KLF12: variants seen among roughly 807,000 people sequenced by gnomAD.
The protein encoded by KLF12 is KLF transcription factor 12.
Under a neutral mutation model 37.8 loss-of-function variants are expected in KLF12, and 9 were observed. The observed-to-expected ratio is 0.24, with a 90% confidence interval of 0.14 to 0.42. KLF12 has a LOEUF of 0.42. Among genes scored for constraint, KLF12 ranks in the 10% least tolerant of loss-of-function variants. KLF12 has a pLI of 1.00. For missense variants in KLF12, 411 were observed against 516.0 expected (o/e 0.80, Z 1.97); for synonymous variants, 208 against 202.1 (o/e 1.03, Z -0.25).
At chr13:73,760,349 C>T (rs1420059000) in intron 6 of KLF12, among the ~76,000 whole-genome samples, 1 of 152,146 alleles carries the variant, frequency 6.6e-6, no homozygotes, top group Non-Finnish European at 1.5e-5. Context: ...TTCACAGAGT[C>T]TTGCTCTGTT....
intron 3 of KLF12, among the ~76,000 whole-genome samples, chr13:73,926,420 G>A (rs1415912798): frequency 6.6e-6 from 1 of 152,118 alleles, no homozygotes; most frequent in Non-Finnish European, 1.5e-5. Context: ...TATATACATT[G>A]TTTTTAGATG....
At chr13:74,215,427 CTTTTTT>C in the KLF12 span, among the ~76,000 whole-genome samples, 2 of 60,382 alleles carry the variant, frequency 3.3e-5, no homozygotes, top group East Asian at 4.9e-4. Flanking sequence ...CCTCTGGGTT[CTTTTTT>C]TTTTTTTTTT....
intron 1 of KLF12, among the ~76,000 whole-genome samples, chr13:74,056,484 T>C (rs1181824291): frequency 6.6e-6 from 1 of 152,182 alleles, no homozygotes; most frequent in Non-Finnish European, 1.5e-5. Context: ...CGGCACTAGG[T>C]GTAAAATTAT....
At chr13:73,867,196 T>C (rs886453782) in intron 3 of KLF12, among the ~76,000 whole-genome samples, 9 of 152,182 alleles carry the variant, frequency 5.9e-5, no homozygotes, top group African/African-American at 1.7e-4. Context: ...TTAAATGTAG[T>C]AACTCTTAAA....
rs78837911 is a variant in KLF12 at position 73,780,404 on chromosome 13, C to T, written c.807-15404G>A. On this transcript the variant is annotated intron_variant, in intron 5 of 7. Transcript: ENST00000377669. ...CCCTTGTCACCCATCAACCTTCCCC[C>T]GAGTCCCCAAGTCTGTTATATCATT... 7.9e-5 allele frequency among the ~76,000 whole-genome samples: 12 copies of T among 152,162 alleles called. No individual in the cohort carries two copies. In the East Asian group the frequency reaches 1.5e-3, roughly 20 times the overall value.
intron 2 of KLF12, among the ~76,000 whole-genome samples, chr13:73,986,254 A>G (rs1891825714): frequency 6.6e-6 from 1 of 152,224 alleles, no homozygotes; most frequent in African/African-American, 2.4e-5. Context: ...TACTGTTTGC[A>G]AAAAATTAGA....
At chr13:74,184,052 A>C in the KLF12 span, among the ~76,000 whole-genome samples, 22 of 152,354 alleles carry the variant, frequency 1.4e-4, no homozygotes, top group Non-Finnish European at 3.2e-4. Flanking sequence ...CAGCCTCAGC[A>C]TCAGGGAACT....
intron 7 of KLF12, among the ~76,000 whole-genome samples, chr13:73,714,481 GA>G (rs1875647846): frequency 1.3e-5 from 2 of 152,294 alleles, no homozygotes; most frequent in South Asian, 4.1e-4. Flanking sequence ...CGCTGGACTG[GA>G]CTTGCTTGCT....
Position 73,976,037 on chromosome 13 carries a change from C to T in KLF12, c.33+18953G>A, listed in dbSNP as rs552039191. ...CCATGCAGGCACACATTACACCCAC[C>T]GTATTCATGGTTGGAAGCTCAGAAA... On this transcript the variant is annotated intron_variant, in intron 2 of 7. Coordinates refer to ENST00000377669, the MANE Select transcript of KLF12 (RefSeq NM_007249.5). Among the ~76,000 whole-genome samples the T allele has an allele frequency of 2.8e-4, 43 of 151,986 alleles. No homozygotes were observed. In the South Asian group the frequency reaches 8.9e-3, roughly 32 times the overall value.
At chr13:73,777,530 GAA>G (rs1404513790) in intron 5 of KLF12, among the ~76,000 whole-genome samples, 2 of 152,016 alleles carry the variant, frequency 1.3e-5, no homozygotes, top group Non-Finnish European at 2.9e-5. Context: ...CCAACATGGA[GAA>G]ACCCTGTCTC....
At position 73,917,960 on chromosome 13, in the gene KLF12, G is replaced by A. The variant is rs188667102; in HGVS notation, c.123+26021C>T. ...AAAAAAAAAAATTCCTGACCTTTAG[G>A]TCATTAAATGCTTAATCTAGTTAAA... On this transcript the variant is annotated intron_variant, in intron 3 of 7. Coordinates refer to ENST00000377669, the MANE Select transcript of KLF12 (RefSeq NM_007249.5). Among the ~76,000 whole-genome samples the A allele has an allele frequency of 8.4e-4, 127 of 152,080 alleles. 1 individual carries two copies. The highest frequency in any genetic ancestry group is 8.1e-3 in the Admixed American group (123 of 15,268).
At chr13:74,125,737 G>C (rs774145573) in intron 1 of KLF12, among the ~76,000 whole-genome samples, 19 of 152,180 alleles carry the variant, frequency 1.2e-4, no homozygotes, top group Non-Finnish European at 2.1e-4. Context: ...CTTTATTGAA[G>C]TATATCTTGT....
chr13:74,025,563 T>TA (rs113282471), intron 1 of KLF12, among the ~76,000 whole-genome samples: 3,276 of 140,340 alleles, frequency 0.023, 76 homozygotes, highest in African/African-American at 0.054. Context: ...TGTTCAGAGT[T>TA]AAAAAAAAAA....
At chr13:73,770,525 CTT>C (rs35793245) in intron 5 of KLF12, among the ~76,000 whole-genome samples, 88 of 144,342 alleles carry the variant, frequency 6.1e-4, no homozygotes, top group Non-Finnish European at 6.9e-4. Context: ...AATATGTGAA[CTT>C]TTTTTTTTTT....
the KLF12 span, among the ~76,000 whole-genome samples, chr13:74,235,639 T>A: frequency 6.6e-6 from 1 of 152,196 alleles, no homozygotes; most frequent in Admixed American, 6.5e-5. Flanking sequence ...TAGCAATTTA[T>A]TTCTATTTAC....
intron 6 of KLF12, among the ~76,000 whole-genome samples, chr13:73,744,926 G>A (rs1878258782): frequency 6.6e-6 from 1 of 152,126 alleles, no homozygotes; most frequent in Non-Finnish European, 1.5e-5. Flanking sequence ...CATGCATCCT[G>A]GTGTTAAATT....
intron 1 of KLF12, among the ~76,000 whole-genome samples, chr13:74,074,149 A>G (rs1874431860): frequency 1.3e-5 from 2 of 151,966 alleles, no homozygotes; most frequent in East Asian, 3.9e-4. Context: ...CTCATTCGAG[A>G]GAGAGAGAGA....
chr13:74,065,995 C>T (rs568462346), intron 1 of KLF12, among the ~76,000 whole-genome samples: 9 of 152,072 alleles, frequency 5.9e-5, no homozygotes, highest in East Asian at 1.9e-4. Context: ...TTCCTGGGGA[C>T]GCGGACATAA....
chr13:73,697,283 AAG>A (rs1874218413), intron 7 of KLF12, among the ~76,000 whole-genome samples: 1 of 152,168 alleles, frequency 6.6e-6, no homozygotes, highest in Non-Finnish European at 1.5e-5. Flanking sequence ...GCCCTTTCAG[AAG>A]AGAGTGAATA....
Sources: gnomAD v4.1 joint callset for allele counts (sites outside exome capture counted in the v4.1 genomes callset) on GRCh38, gnomAD v4.1.1 for gene constraint, MANE v1.5 for transcripts, NCBI Gene and HGNC (gene_info 2026-07-23, HGNC 2026-07-21) for gene names.